Variants in LHFPL4 observed in about 807,000 individuals in gnomAD.
The protein encoded by LHFPL4 is LHFPL tetraspan subfamily member 4 protein.
A neutral mutation model predicts 20.0 loss-of-function variants in LHFPL4; 6 were observed. The ratio of observed to expected loss-of-function variants is 0.30; its 90% CI spans 0.16 to 0.59. LHFPL4 has a LOEUF of 0.59. LHFPL4 is among the 20% of genes least tolerant of loss of function. The pLI, the probability that LHFPL4 is intolerant of heterozygous loss-of-function variation, is 0.88. For missense variants in LHFPL4, 215 were observed against 331.2 expected, an observed-to-expected ratio of 0.65 and a Z score of 2.72; for synonymous variants, 129 against 143.8, an observed-to-expected ratio of 0.90 and a Z score of 0.74.
chr3:9,509,035 A>G (rs1344905568), intron 2 of LHFPL4, among the ~76,000 whole-genome samples: 1 of 152,150 alleles, frequency 6.6e-6, no homozygotes, highest in Non-Finnish European at 1.5e-5. Flanking sequence ...GTCTCCGTGG[A>G]AACCGGGCCT....
chr3:9,536,965 A>T (rs2046448007), intron 2 of LHFPL4, among the ~76,000 whole-genome samples: 1 of 151,584 alleles, frequency 6.6e-6, no homozygotes, highest in Non-Finnish European at 1.5e-5. Context: ...GCGCGCCTGC[A>T]GTCCCAGCTA....
intron 2 of LHFPL4, among the ~76,000 whole-genome samples, chr3:9,515,906 G>T (rs2125658138): frequency 6.6e-6 from 1 of 151,948 alleles, no homozygotes; most frequent in East Asian, 1.9e-4. Flanking sequence ...GTAAAGATGG[G>T]GTTTTGCCAT....
intron 2 of LHFPL4, among the ~76,000 whole-genome samples, chr3:9,545,868 C>G (rs993250127): frequency 6.6e-6 from 1 of 152,100 alleles, no homozygotes; most frequent in Non-Finnish European, 1.5e-5. Flanking sequence ...ATGATCGCAC[C>G]ACTGCACTCC....
At chr3:9,510,161 A>C (rs1399328390) in intron 2 of LHFPL4, among the ~76,000 whole-genome samples, 1 of 152,178 alleles carries the variant, frequency 6.6e-6, no homozygotes, top group Non-Finnish European at 1.5e-5. Flanking sequence ...ACTGATTAAA[A>C]AATGTCAGTT....
intron 2 of LHFPL4, among the ~76,000 whole-genome samples, chr3:9,537,989 C>T (rs2046453725): frequency 6.6e-6 from 1 of 152,166 alleles, no homozygotes; most frequent in Non-Finnish European, 1.5e-5. Flanking sequence ...TTCCTCCACC[C>T]TAGGTCTGAT....
chr3:9,523,763 C>G (rs1256337697), intron 2 of LHFPL4, among the ~76,000 whole-genome samples: 4 of 152,082 alleles, frequency 2.6e-5, no homozygotes, highest in African/African-American at 9.7e-5. Context: ...TTTACCTTAA[C>G]TTATTCCTTC....
At chr3:9,512,779 C>T (rs1292917998) in intron 2 of LHFPL4, among the ~76,000 whole-genome samples, 1 of 152,194 alleles carries the variant, frequency 6.6e-6, no homozygotes, top group African/African-American at 2.4e-5. Flanking sequence ...ATCCATCTCT[C>T]CATTCAGCTG....
intron 2 of LHFPL4, among the ~76,000 whole-genome samples, chr3:9,549,034 T>C (rs905453814): frequency 1.3e-5 from 2 of 152,236 alleles, no homozygotes; most frequent in Admixed American, 6.5e-5. Context: ...CATCTGGATC[T>C]GTCCATGCCC....
chr3:9,510,149 A>G (rs1013346392), intron 2 of LHFPL4, among the ~76,000 whole-genome samples: 7 of 152,226 alleles, frequency 4.6e-5, no homozygotes, highest in Non-Finnish European at 1.5e-5. Flanking sequence ...AAACCCAGTC[A>G]TACTGATTAA....
chr3:9,533,442 T>C (rs1188263889), intron 2 of LHFPL4, among the ~76,000 whole-genome samples: 1 of 152,318 alleles, frequency 6.6e-6, no homozygotes, highest in South Asian at 2.1e-4. Context: ...AGCAAAAGTG[T>C]GATTCCATTT....
In LHFPL4 at chr3:9,502,317, A is replaced by C; in HGVS notation, c.644-6T>G. 1 of 1,499,208 alleles carries C rather than the reference A, an allele frequency of 6.7e-7. No individual in the cohort carries two copies. Among genetic ancestry groups the C allele is most frequent in the Non-Finnish European group, 9.2e-7 (1 of 1,082,424 alleles). 92.9% of individuals were successfully genotyped at this position (1,499,208 alleles called of 1,614,324 possible). On this transcript the variant is annotated splice_region_variant and splice_polypyrimidine_tract_variant and intron_variant, in intron 3 of 3. Transcript: ENST00000287585. ...TACTGTAGAGCCCACAAAATCTAAG[A>C]GAGAGAGAGAGAGAGAGAAGGAGAG... is the stretch of plus-strand genomic sequence containing the variant.
intron 2 of LHFPL4, among the ~76,000 whole-genome samples, chr3:9,507,192 G>A (rs931416885): frequency 1.3e-5 from 2 of 152,206 alleles, no homozygotes; most frequent in Non-Finnish European, 2.9e-5. Context: ...CAGGCACTCA[G>A]GTAGCATTTA....
intron 2 of LHFPL4, among the ~76,000 whole-genome samples, chr3:9,544,895 C>T (rs1036316742): frequency 4.6e-5 from 7 of 152,138 alleles, no homozygotes; most frequent in African/African-American, 1.7e-4. Flanking sequence ...TGTTGGAAGT[C>T]CCCTCCCTGC....
At chr3:9,537,972 C>T (rs924423861) in intron 2 of LHFPL4, among the ~76,000 whole-genome samples, 2 of 152,128 alleles carry the variant, frequency 1.3e-5, no homozygotes, top group African/African-American at 2.4e-5. Context: ...CCCAAATAGA[C>T]CTTCTCTTCC....
rs73130188 is a variant in LHFPL4 at position 9,548,614 on chromosome 3, C to A, written c.406+3660G>T. Among the ~76,000 whole-genome samples, 344 of 152,308 alleles carry A rather than the reference C, an allele frequency of 2.3e-3. 2 individuals carry two copies. The highest frequency in any genetic ancestry group is 8.1e-3 in the African/African-American group (335 of 41,554). On this transcript the variant is annotated intron_variant, in intron 2 of 3. Transcript: ENST00000287585. ...CCGGGTTTCCATGGCATTTCCAGCC[C>A]GCACATATTAGTGCTCAGACTGCCC...
chr3:9,528,727 T>C (rs563506089), intron 2 of LHFPL4, among the ~76,000 whole-genome samples: 4 of 151,688 alleles, frequency 2.6e-5, no homozygotes, highest in Non-Finnish European at 5.9e-5. Context: ...GCAATTCTCC[T>C]GCCTCTACCT....
intron 3 of LHFPL4, among the ~76,000 whole-genome samples, chr3:9,505,703 C>T (rs1270049218): frequency 1.3e-5 from 2 of 152,132 alleles, no homozygotes; most frequent in Non-Finnish European, 2.9e-5. Context: ...GGATTACAGG[C>T]GTGAGCCACC....
At position 9,552,458 on chromosome 3, in the gene LHFPL4, C is replaced by G. The variant is rs748291845; in HGVS notation, c.222G>C (p.Glu74Asp). The G allele has an allele frequency of 6.2e-7, 1 of 1,613,170 alleles. No homozygotes were observed. Residue 74 changes from glutamate to aspartate, a missense_variant, in exon 2 of 4, where the codon GAG (glutamate) becomes GAC (aspartate). This residue lies in a region of LHFPL4 where 164 missense variants were observed against 286.7 expected (regional missense o/e 0.57). Coordinates refer to ENST00000287585, the MANE Select transcript of LHFPL4 (RefSeq NM_198560.3). ...CGGTGAAGGAGCCCCGGCAGGTGAG[C>G]TCGCGGCCCGCCAGCCCGCTGCCCA... ...YCVGSGLAGR[E>D]LTCRGSFTDF... is the part of the protein sequence containing the mutation.
intron 2 of LHFPL4, among the ~76,000 whole-genome samples, chr3:9,523,696 C>A (rs1337291578): frequency 2.0e-5 from 3 of 152,112 alleles, no homozygotes; most frequent in African/African-American, 4.8e-5. Flanking sequence ...TGATCTCGAA[C>A]TCCTGACCTC....
Sources: gnomAD v4.1 joint callset for allele counts (sites outside exome capture counted in the v4.1 genomes callset) on GRCh38, gnomAD v4.1.1 for gene constraint, gnomAD v4.1.1 regional missense constraint, MANE v1.5 for transcripts, NCBI Gene and HGNC (gene_info 2026-07-23, HGNC 2026-07-21) for gene names.